OSTF1: variants seen among roughly 807,000 people sequenced by gnomAD.
OSTF1 encodes osteoclast-stimulating factor 1.
Under a neutral mutation model 37.2 loss-of-function variants are expected in OSTF1, and 27 were observed. That is an observed-to-expected ratio of 0.73 (90% CI 0.54 to 1.00). The LOEUF (loss-of-function observed/expected upper bound fraction) is 1.00, where lower values mean the gene tolerates loss of function less well. Among genes scored for constraint, OSTF1 ranks in the 50% least tolerant of loss-of-function variants. The pLI is 0.00. For synonymous variants in OSTF1, 82 were observed against 89.2 expected (o/e 0.92, Z 0.46); for missense variants, 232 against 253.8 (o/e 0.91, Z 0.58).
intron 2 of OSTF1, among the ~76,000 whole-genome samples, chr9:75,125,749 C>T (rs1299439196): frequency 6.6e-6 from 1 of 152,146 alleles, no homozygotes; most frequent in Non-Finnish European, 1.5e-5. Flanking sequence ...TAATAGCCTT[C>T]ATTTAGATTC....
chr9:75,139,060 T>TCTTTCTTTTCTTTC (rs1187745291), intron 8 of OSTF1, among the ~76,000 whole-genome samples: 1 of 142,802 alleles, frequency 7.0e-6, no homozygotes, highest in African/African-American at 2.9e-5. Context: ...CTTTCTTTTT[T>TCTTTCTTTTCTTTC]TTTTGAAACT....
chr9:75,097,211 A>T (rs1419618271), intron 1 of OSTF1, among the ~76,000 whole-genome samples: 1 of 152,160 alleles, frequency 6.6e-6, no homozygotes, highest in Admixed American at 6.5e-5. Context: ...ATCTCTCTGC[A>T]TTCAGGTCAT....
At chr9:75,140,054 A>T (rs62569062) in intron 8 of OSTF1, among the ~76,000 whole-genome samples, 6,262 of 152,316 alleles carry the variant, frequency 0.041, 137 homozygotes, top group Middle Eastern at 0.065. Flanking sequence ...TGAGTTACAA[A>T]TATGTGTATT....
At chr9:75,109,644 G>T (rs1234567877) in intron 1 of OSTF1, among the ~76,000 whole-genome samples, 1 of 152,174 alleles carries the variant, frequency 6.6e-6, no homozygotes, top group Admixed American at 6.5e-5. Context: ...TGGGATTAGT[G>T]AAACAGTGAG....
intron 1 of OSTF1, among the ~76,000 whole-genome samples, chr9:75,098,516 A>G (rs564142976): frequency 6.6e-6 from 1 of 152,184 alleles, no homozygotes; most frequent in South Asian, 2.1e-4. Context: ...ACAGATTCCA[A>G]GGAGACCCTT....
chr9:75,110,146 A>G (rs1825358975), intron 1 of OSTF1, among the ~76,000 whole-genome samples: 1 of 152,146 alleles, frequency 6.6e-6, no homozygotes, highest in Non-Finnish European at 1.5e-5. Context: ...TGTGGTTTCC[A>G]TGGGTTTGGA....
chr9:75,098,422 A>G (rs1447058236), intron 1 of OSTF1, among the ~76,000 whole-genome samples: 1 of 152,186 alleles, frequency 6.6e-6, no homozygotes, highest in African/African-American at 2.4e-5. Flanking sequence ...CATAGGGCAG[A>G]ATTTTTTTTT....
intron 4 of OSTF1, 29 bp downstream of exon 4, chr9:75,130,670 G>T: frequency 1.3e-6 from 2 of 1,514,862 alleles, no homozygotes; most frequent in Non-Finnish European, 1.8e-6. Context: ...TTTTACTTTA[G>T]CTTCGTTCAC....
At chr9:75,105,335 T>G (rs1007980370) in intron 1 of OSTF1, among the ~76,000 whole-genome samples, 1 of 152,198 alleles carries the variant, frequency 6.6e-6, no homozygotes, top group Non-Finnish European at 1.5e-5. Flanking sequence ...GTAAATACTT[T>G]AGGCTTCGTA....
At position 75,088,740 on chromosome 9, in the gene OSTF1, G is replaced by A. The variant is rs1310745795; in HGVS notation, c.34+14G>A. 5 of 1,603,844 alleles carry A rather than the reference G, an allele frequency of 3.1e-6. No individual in the cohort carries two copies. In the Admixed American group the frequency reaches 5.1e-5, roughly 16 times the overall value. On this transcript the variant is annotated intron_variant, in intron 1 of 9. Transcript: ENST00000346234. Reference sequence around the variant, plus strand: ...CAGTCAAACCAGGTGAGGGAGGTAAGGTAGGCGCTTGCCAGGTCCTGCGAC... The same window carrying A: ...CAGTCAAACCAGGTGAGGGAGGTAAAGTAGGCGCTTGCCAGGTCCTGCGAC...
chr9:75,119,168 C>T (rs2118523384), intron 2 of OSTF1, among the ~76,000 whole-genome samples: 1 of 152,390 alleles, frequency 6.6e-6, no homozygotes, highest in Middle Eastern at 3.4e-3. Flanking sequence ...TTTCTTACCT[C>T]ACTGCCATTG....
At chr9:75,099,957 A>G (rs1825161053) in intron 1 of OSTF1, among the ~76,000 whole-genome samples, 1 of 152,256 alleles carries the variant, frequency 6.6e-6, no homozygotes. Flanking sequence ...TCAAACAAAA[A>G]TCATTCTATT....
At chr9:75,114,123 C>T (rs534632459) in intron 1 of OSTF1, among the ~76,000 whole-genome samples, 2 of 152,080 alleles carry the variant, frequency 1.3e-5, no homozygotes, top group East Asian at 3.9e-4. Flanking sequence ...GACAGGATTT[C>T]TTTCTGTTTT....
At chr9:75,133,525 C>A in intron 6 of OSTF1, 124 bp downstream of exon 6, 1 of 611,450 alleles carries the variant, frequency 1.6e-6, no homozygotes, top group Non-Finnish European at 2.9e-6. Flanking sequence ...CTTTAGAATA[C>A]CGGCCAAAAC....
chr9:75,112,600 A>G (rs1825411534), intron 1 of OSTF1, among the ~76,000 whole-genome samples: 2 of 152,260 alleles, frequency 1.3e-5, no homozygotes, highest in African/African-American at 4.8e-5. Context: ...ACTGTTTAGT[A>G]TAAATCAAAA....
chr9:75,143,080 CA>C (rs1367305058), intron 9 of OSTF1, among the ~76,000 whole-genome samples: 7 of 151,980 alleles, frequency 4.6e-5, no homozygotes, highest in Non-Finnish European at 2.9e-5. Context: ...GCTGGGATTA[CA>C]GGCATGAGCC....
At chr9:75,091,332 T>C (rs1824971735) in intron 1 of OSTF1, among the ~76,000 whole-genome samples, 1 of 152,058 alleles carries the variant, frequency 6.6e-6, no homozygotes, top group Non-Finnish European at 1.5e-5. Context: ...CTCCTTCGCT[T>C]CCCAAAGTGT....
intron 1 of OSTF1, among the ~76,000 whole-genome samples, chr9:75,107,160 G>C (rs889089358): frequency 2.0e-5 from 3 of 148,930 alleles, no homozygotes; most frequent in African/African-American, 7.7e-5. Context: ...GTCACCCCAA[G>C]AATAAAAAAT....
chr9:75,144,792 A>G (rs1825994720), intron 9 of OSTF1, among the ~76,000 whole-genome samples: 1 of 152,092 alleles, frequency 6.6e-6, no homozygotes, highest in South Asian at 2.1e-4. Flanking sequence ...ATTTTCTCAT[A>G]CATCTTTGTT....
Sources: allele counts gnomAD v4.1 joint callset (sites outside exome capture counted in the v4.1 genomes callset), GRCh38; gene constraint gnomAD v4.1.1; transcripts MANE v1.5; gene names NCBI Gene and HGNC (gene_info 2026-07-23, HGNC 2026-07-21).